Variants in CHRM3 observed in about 807,000 individuals in gnomAD.
CHRM3 encodes muscarinic acetylcholine receptor M3.
In CHRM3, 11 loss-of-function variants were observed where a neutral mutation model predicts 41.8. The observed-to-expected ratio is 0.26, with a 90% confidence interval of 0.17 to 0.44. The LOEUF (loss-of-function observed/expected upper bound fraction) is 0.44. CHRM3 is among the 20% of genes least tolerant of loss of function. CHRM3 has a pLI of 1.00. For synonymous variants in CHRM3, 297 were observed against 301.4 expected, an observed-to-expected ratio of 0.99 and a Z score of 0.15; for missense variants, 571 against 745.4, an observed-to-expected ratio of 0.77 and a Z score of 2.72.
At chr1:239,672,320 G>A (rs931790521) in intron 4 of CHRM3, among the ~76,000 whole-genome samples, 2 of 152,036 alleles carry the variant, frequency 1.3e-5, no homozygotes, top group African/African-American at 4.8e-5. Context: ...TTGTCAGCAG[G>A]AGACAAGACC....
intron 5 of CHRM3, among the ~76,000 whole-genome samples, chr1:239,756,375 A>C (rs1456462604): frequency 6.6e-6 from 1 of 152,244 alleles, no homozygotes; most frequent in Non-Finnish European, 1.5e-5. Context: ...TATCTGTTCC[A>C]TAATAACTAA....
At chr1:239,557,819 G>T (rs1660503389) in intron 3 of CHRM3, among the ~76,000 whole-genome samples, 1 of 152,028 alleles carries the variant, frequency 6.6e-6, no homozygotes, top group Non-Finnish European at 1.5e-5. Context: ...ATGATTTGTT[G>T]TTTGTTAGGG....
intron 5 of CHRM3, among the ~76,000 whole-genome samples, chr1:239,683,702 T>A (rs1658797867): frequency 6.6e-6 from 1 of 152,240 alleles, no homozygotes; most frequent in African/African-American, 2.4e-5. Context: ...GAAACAGCTC[T>A]ACTTGTGAAC....
At chr1:239,645,263 G>T (rs1012307698) in intron 4 of CHRM3, among the ~76,000 whole-genome samples, 3 of 152,214 alleles carry the variant, frequency 2.0e-5, no homozygotes, top group Non-Finnish European at 4.4e-5. Context: ...AGACACTGTA[G>T]TCTGAGGGTA....
At chr1:239,390,084 T>C (rs1658892557) in intron 1 of CHRM3, among the ~76,000 whole-genome samples, 1 of 152,232 alleles carries the variant, frequency 6.6e-6, no homozygotes, top group South Asian at 2.1e-4. Context: ...TAACTAGAGA[T>C]GTTGTCTTTT....
chr1:239,479,757 T>C (rs560216463), intron 1 of CHRM3, among the ~76,000 whole-genome samples: 2 of 152,132 alleles, frequency 1.3e-5, no homozygotes, highest in South Asian at 2.1e-4. Context: ...AAGTAAAAAA[T>C]ATAGTAGAAA....
At position 239,435,733 on chromosome 1, in the gene CHRM3, T is replaced by C. The variant is rs574929167; in HGVS notation, c.-521+48506T>C. ...ACAAATTCCACCGTGTTAATACATA[T>C]TATTTATAAGAATTTGAACCTTTGA... On this transcript the variant is annotated intron_variant, in intron 1 of 6. Coordinates refer to ENST00000676153, the MANE Select transcript of CHRM3 (RefSeq NM_001375978.1). 4.6e-5 allele frequency among the ~76,000 whole-genome samples: 7 copies of C among 152,282 alleles called. 1 individual carries two copies. Among genetic ancestry groups the C allele is most frequent in the Non-Finnish European group, 5.9e-5 (4 of 68,026 alleles).
chr1:239,803,489 C>T (rs997543923), intron 5 of CHRM3, among the ~76,000 whole-genome samples: 3 of 152,084 alleles, frequency 2.0e-5, no homozygotes, highest in Admixed American at 6.5e-5. Context: ...ATGTGTATTT[C>T]CCAGGAAAGT....
chr1:239,608,959 C>T (rs111300974), intron 3 of CHRM3, among the ~76,000 whole-genome samples: 96 of 152,050 alleles, frequency 6.3e-4, no homozygotes, highest in African/African-American at 2.2e-3. Context: ...TGATTTATGG[C>T]TTTTTTAACC....
At chr1:239,906,655 T>C (rs912214821) in intron 6 of CHRM3, among the ~76,000 whole-genome samples, 3 of 152,224 alleles carry the variant, frequency 2.0e-5, no homozygotes, top group African/African-American at 4.8e-5. Context: ...CAAATGTGTG[T>C]GGGTGTGTCC....
intron 6 of CHRM3, among the ~76,000 whole-genome samples, chr1:239,856,515 CT>C (rs1051997864): frequency 3.3e-5 from 5 of 152,118 alleles, no homozygotes; most frequent in African/African-American, 1.2e-4. Flanking sequence ...TTCCTGAGGC[CT>C]TTCCAACCAT....
intron 5 of CHRM3, among the ~76,000 whole-genome samples, chr1:239,691,426 A>G (rs1430482270): frequency 6.6e-6 from 1 of 152,186 alleles, no homozygotes; most frequent in Admixed American, 6.5e-5. Context: ...AAAAAAAAGA[A>G]AGAAAATATT....
At chr1:239,808,162 A>G (rs894336212) in intron 5 of CHRM3, among the ~76,000 whole-genome samples, 4 of 152,106 alleles carry the variant, frequency 2.6e-5, no homozygotes, top group African/African-American at 9.7e-5. Context: ...TTCAAATTCC[A>G]TGGGAGTTCG....
intron 5 of CHRM3, among the ~76,000 whole-genome samples, chr1:239,708,557 A>G (rs1326284024): frequency 1.3e-5 from 2 of 151,990 alleles, no homozygotes; most frequent in African/African-American, 4.8e-5. Flanking sequence ...GGGACTCTCT[A>G]AACCCCGCAT....
intron 6 of CHRM3, among the ~76,000 whole-genome samples, chr1:239,834,600 C>T (rs1673164241): frequency 6.6e-6 from 1 of 152,210 alleles, no homozygotes; most frequent in South Asian, 2.1e-4. Context: ...CTTTATCCTT[C>T]TACTTTAGGT....
At chr1:239,711,139 AATAC>A (rs904137811) in intron 5 of CHRM3, among the ~76,000 whole-genome samples, 44 of 152,144 alleles carry the variant, frequency 2.9e-4, no homozygotes, top group African/African-American at 9.6e-4. Flanking sequence ...TCCTTAGATA[AATAC>A]ACATCCCTTG....
chr1:239,709,785 A>G (rs555521366), intron 5 of CHRM3, among the ~76,000 whole-genome samples: 2 of 152,230 alleles, frequency 1.3e-5, no homozygotes, highest in Non-Finnish European at 2.9e-5. Flanking sequence ...TTGAAATTAA[A>G]GAGATTAACC....
At chr1:239,546,870 T>C (rs922269577) in intron 3 of CHRM3, among the ~76,000 whole-genome samples, 42 of 152,220 alleles carry the variant, frequency 2.8e-4, no homozygotes, top group Admixed American at 8.5e-4. Context: ...AAATATAGTA[T>C]TTAATACATC....
chr1:239,479,881 A>ACATTAC (rs1231491179), intron 1 of CHRM3, among the ~76,000 whole-genome samples: 1 of 152,222 alleles, frequency 6.6e-6, no homozygotes, highest in Admixed American at 6.5e-5. Context: ...AAGGCTTAGG[A>ACATTAC]CATTACTGTA....
Sources: allele counts gnomAD v4.1 joint callset (sites outside exome capture counted in the v4.1 genomes callset), GRCh38; gene constraint gnomAD v4.1.1; transcripts MANE v1.5; gene names NCBI Gene and HGNC (gene_info 2026-07-23, HGNC 2026-07-21).